Variants in CNTNAP4 observed in about 807,000 individuals in gnomAD.
The protein encoded by CNTNAP4 is contactin-associated protein-like 4.
A neutral mutation model predicts 148.4 loss-of-function variants in CNTNAP4; 98 were observed. That is an observed-to-expected ratio of 0.66 (90% CI 0.56 to 0.78). CNTNAP4 has a LOEUF of 0.78. Among genes scored for constraint, CNTNAP4 ranks in the 30% least tolerant of loss-of-function variants. The pLI is 0.00. For synonymous variants in CNTNAP4, 730 were observed against 565.1 expected (o/e 1.29, Z -4.14); for missense variants, 1,935 against 1,565.6 (o/e 1.24, Z -3.98).
At chr16:76,538,043 ATAAT>A (rs2084285611) in intron 18 of CNTNAP4, 69 bp from the exon 19 acceptor site, 1 of 646,710 alleles carries the variant, frequency 1.5e-6, no homozygotes, top group South Asian at 4.6e-5. Context: ...AAACTAAAAT[ATAAT>A]TATTGTAACT....
chr16:76,494,637 A>C (rs973957077), intron 13 of CNTNAP4, among the ~76,000 whole-genome samples: 1 of 152,160 alleles, frequency 6.6e-6, no homozygotes, highest in African/African-American at 2.4e-5. Flanking sequence ...ATTTTTTACT[A>C]TCATGCCTAA....
chr16:76,554,530 G>A (rs374802613), intron 23 of CNTNAP4, among the ~76,000 whole-genome samples: 1 of 151,994 alleles, frequency 6.6e-6, no homozygotes, highest in East Asian at 1.9e-4. Context: ...CCCTGGAAAT[G>A]TGACAGCATA....
At chr16:76,518,523 A>G (rs1384052790) in intron 15 of CNTNAP4, among the ~76,000 whole-genome samples, 1 of 152,098 alleles carries the variant, frequency 6.6e-6, no homozygotes, top group East Asian at 1.9e-4. Flanking sequence ...TATGATTGTT[A>G]TTTAAATTTT....
intron 1 of CNTNAP4, among the ~76,000 whole-genome samples, chr16:76,293,824 T>C (rs1959178750): frequency 1.4e-5 from 2 of 138,106 alleles, no homozygotes; most frequent in Non-Finnish European, 3.1e-5. Flanking sequence ...AGCTGCTTTT[T>C]TTTTTTTTTT....
In CNTNAP4 at chr16:76,480,734, C is replaced by T. The variant is rs150114851; in HGVS notation, c.1882+1196C>T. ...GCCTGGTGACAGAGTGAGACTCTGT[C>T]TCAAAAAAAGAAAAAAATATGTTCG... is the stretch of plus-strand genomic sequence containing the variant. On this transcript the variant is annotated intron_variant, in intron 12 of 23. Coordinates refer to ENST00000611870, the MANE Select transcript of CNTNAP4 (RefSeq NM_033401.5). Among the ~76,000 whole-genome samples, 971 of 151,806 alleles carry T rather than the reference C, an allele frequency of 6.4e-3. 5 individuals are homozygous for T. The highest frequency in any genetic ancestry group is 0.022 in the African/African-American group (914 of 41,378).
At chr16:76,545,434 A>T (rs1013926728) in intron 21 of CNTNAP4, among the ~76,000 whole-genome samples, 1 of 152,220 alleles carries the variant, frequency 6.6e-6, no homozygotes, top group Non-Finnish European at 1.5e-5. Context: ...ACAAATGATA[A>T]CTTGGAAGTT....
chr16:76,422,211 A>G (rs959633177), intron 3 of CNTNAP4, among the ~76,000 whole-genome samples: 6 of 152,154 alleles, frequency 3.9e-5, no homozygotes, highest in Non-Finnish European at 7.4e-5. Flanking sequence ...GAAAAATACA[A>G]TGAAGGCTTT....
intron 1 of CNTNAP4, among the ~76,000 whole-genome samples, chr16:76,291,857 T>G (rs1023661375): frequency 1.3e-5 from 2 of 152,340 alleles, no homozygotes; most frequent in East Asian, 3.9e-4. Flanking sequence ...ATACATTATT[T>G]CAGTCAATCT....
intron 23 of CNTNAP4, 28 bp downstream of exon 23, chr16:76,553,935 T>G (rs1208205295): frequency 7.2e-7 from 1 of 1,381,802 alleles, no homozygotes; most frequent in Non-Finnish European, 1.0e-6. Flanking sequence ...TGAGCTCTTC[T>G]TTGGTTGTTC....
intron 1 of CNTNAP4, among the ~76,000 whole-genome samples, chr16:76,296,750 C>T (rs1959345838): frequency 6.6e-6 from 1 of 152,104 alleles, no homozygotes; most frequent in African/African-American, 2.4e-5. Flanking sequence ...AGTATTTTTG[C>T]TGTATCTAAG....
At chr16:76,360,815 ATTTTTTTT>A (rs397745852) in intron 3 of CNTNAP4, among the ~76,000 whole-genome samples, 2 of 122,306 alleles carry the variant, frequency 1.6e-5, no homozygotes, top group South Asian at 2.6e-4. Flanking sequence ...ACATGGCTGC[ATTTTTTTT>A]TTTTTTTTTT....
In CNTNAP4 at chr16:76,368,373, C is replaced by G. The variant is rs1481198066; in HGVS notation, c.390+12862C>G. On this transcript the variant is annotated intron_variant, in intron 3 of 23. Transcript: ENST00000611870. ...TTATTCTACTATAAAGATACATGCA[C>G]ACGTATGTTTATTGCAGCACTATTC... Among the ~76,000 whole-genome samples, 10 of 152,294 alleles carry G rather than the reference C, an allele frequency of 6.6e-5. No individual in the cohort carries two copies. In the East Asian group the frequency reaches 1.7e-3, roughly 26 times the overall value.
At chr16:76,502,961 C>G (rs1197551511) in intron 15 of CNTNAP4, among the ~76,000 whole-genome samples, 1 of 152,122 alleles carries the variant, frequency 6.6e-6, no homozygotes, top group Non-Finnish European at 1.5e-5. Flanking sequence ...GTTGGACCTA[C>G]TAGTACCGGT....
intron 3 of CNTNAP4, among the ~76,000 whole-genome samples, chr16:76,365,252 G>A (rs1309916344): frequency 6.6e-6 from 1 of 152,148 alleles, no homozygotes; most frequent in Non-Finnish European, 1.5e-5. Flanking sequence ...TTTGATATCA[G>A]TACCATGCTG....
chr16:76,333,779 G>GTTTTTTTTTTTT (rs549878036), intron 2 of CNTNAP4, among the ~76,000 whole-genome samples: 17 of 45,616 alleles, frequency 3.7e-4, no homozygotes, highest in Non-Finnish European at 4.7e-4. Context: ...TGGGTTATAG[G>GTTTTTTTTTTTT]TTTTTTTTTT....
rs943413014 is a variant in CNTNAP4 at position 76,536,421 on chromosome 16, C to T, written c.2995+637C>T. 5.3e-4 allele frequency among the ~76,000 whole-genome samples: 80 copies of T among 152,168 alleles called. 4 individuals carry two copies. The highest frequency in any genetic ancestry group is 1.5e-5 in the Non-Finnish European group (1 of 67,998). On this transcript the variant is annotated intron_variant, in intron 18 of 23. Coordinates refer to ENST00000611870, the MANE Select transcript of CNTNAP4 (RefSeq NM_033401.5). The stretch of plus-strand genomic sequence containing the variant: ...ATGTTGCCCAGGCTGGTCTCAAGTT[C>T]CCGACCTCAAGTAATCCACCCACCT...
intron 3 of CNTNAP4, among the ~76,000 whole-genome samples, chr16:76,376,695 G>A (rs1038486479): frequency 6.6e-6 from 1 of 152,150 alleles, no homozygotes; most frequent in South Asian, 2.1e-4. Flanking sequence ...GGAACTGAGG[G>A]CATAGACATT....
At chr16:76,303,629 C>T (rs1453819527) in intron 1 of CNTNAP4, among the ~76,000 whole-genome samples, 1 of 152,122 alleles carries the variant, frequency 6.6e-6, no homozygotes, top group Admixed American at 6.6e-5. Context: ...AAGAGATGCC[C>T]ATGTTCTCTG....
At chr16:76,288,976 C>G (rs1318976323) in intron 1 of CNTNAP4, among the ~76,000 whole-genome samples, 2 of 152,058 alleles carry the variant, frequency 1.3e-5, no homozygotes, top group Non-Finnish European at 2.9e-5. Context: ...CATACATATT[C>G]TAGTCTGTCA....
Sources: allele counts gnomAD v4.1 joint callset (sites outside exome capture counted in the v4.1 genomes callset), GRCh38; gene constraint gnomAD v4.1.1; transcripts MANE v1.5; gene names NCBI Gene and HGNC (gene_info 2026-07-23, HGNC 2026-07-21).